The following NPAS2 variants were observed in gnomAD, a reference collection of about 807,000 sequenced individuals.
The protein encoded by NPAS2 is neuronal PAS domain-containing protein 2.
A neutral mutation model predicts 107.5 loss-of-function variants in NPAS2; 23 were observed. The observed-to-expected ratio is 0.21, with a 90% CI of 0.15 to 0.30. The LOEUF (loss-of-function observed/expected upper bound fraction) is 0.30, where lower values mean the gene tolerates loss of function less well. Ranked by LOEUF, NPAS2 falls within the 10% of genes least tolerant of loss-of-function variation. The pLI is 1.00. For missense variants in NPAS2, 756 were observed against 1,043.3 expected (o/e 0.72, Z 3.79); for synonymous variants, 403 against 417.5 (o/e 0.97, Z 0.42).
chr2:100,909,480 C>T (rs1009702546), intron 2 of NPAS2, among the ~76,000 whole-genome samples: 9 of 152,160 alleles, frequency 5.9e-5, no homozygotes, highest in Non-Finnish European at 1.0e-4. Flanking sequence ...AAAGGTCTGC[C>T]CAGAAAGGCT....
At chr2:100,955,804 T>C (rs1440209269) in intron 7 of NPAS2, among the ~76,000 whole-genome samples, 1 of 152,206 alleles carries the variant, frequency 6.6e-6, no homozygotes, top group East Asian at 1.9e-4. Context: ...CTTGGGTGTT[T>C]GGAGGCCAGT....
chr2:100,888,191 T>C (rs1466774862), intron 1 of NPAS2, among the ~76,000 whole-genome samples: 2 of 152,160 alleles, frequency 1.3e-5, no homozygotes, highest in Non-Finnish European at 2.9e-5. Flanking sequence ...TTCCAAACTT[T>C]AAACACAGAT....
chr2:100,975,050 C>T lies in NPAS2; in HGVS notation c.1282+106C>T, dbSNP rs557276264. On this transcript the variant is annotated intron_variant, in intron 13 of 20. Transcript: ENST00000335681. The stretch of plus-strand genomic sequence containing the variant: ...GTGGAATCAGGGCAGTCTGTGCCTC[C>T]GACAGAGGTTGCCGTGCAGTTTATA... 57 of 1,258,710 alleles carry T rather than the reference C, an allele frequency of 4.5e-5. 1 individual carries two copies. Among genetic ancestry groups the T allele is most frequent in the African/African-American group, 4.0e-4 (27 of 66,848 alleles). 78.0% of individuals were successfully genotyped at this position (1,258,710 alleles called of 1,614,324 possible).
chr2:100,840,340 A>G (rs1354043394), intron 1 of NPAS2, among the ~76,000 whole-genome samples: 1 of 151,924 alleles, frequency 6.6e-6, no homozygotes, highest in African/African-American at 2.4e-5. Context: ...GGGAGTGGGG[A>G]CCACGTGTTT....
At chr2:100,865,894 A>G (rs1453846537) in intron 1 of NPAS2, among the ~76,000 whole-genome samples, 1 of 152,198 alleles carries the variant, frequency 6.6e-6, no homozygotes, top group African/African-American at 2.4e-5. Flanking sequence ...TAAAATTGTT[A>G]CCAGTCCCAA....
intron 1 of NPAS2, among the ~76,000 whole-genome samples, chr2:100,885,374 TGTTG>T (rs1680637140): frequency 6.6e-6 from 1 of 152,354 alleles, no homozygotes; most frequent in African/African-American, 2.4e-5. Context: ...TTTATTTCCT[TGTTG>T]GTTTCTTTTT....
At chr2:100,839,232 G>T (rs1007096809) in intron 1 of NPAS2, among the ~76,000 whole-genome samples, 8 of 152,098 alleles carry the variant, frequency 5.3e-5, no homozygotes, top group Non-Finnish European at 1.2e-4. Flanking sequence ...GGGTTCAAGG[G>T]ATTCTCCTGC....
rs1290032300 is a variant in NPAS2, at chr2:100,995,273, A to G, written c.2293-127A>G. On this transcript the variant is annotated intron_variant, in intron 20 of 20. Coordinates refer to ENST00000335681, the MANE Select transcript of NPAS2 (RefSeq NM_002518.4). ...TCTTGCCAGAGCCACCTCTCCCCAC[A>G]TGACCCCCCAAGAAAGACAGCCCTG... The G allele has an allele frequency of 2.0e-5, 14 of 702,328 alleles. No individual in the cohort carries two copies. The East Asian group carries it at 4.0e-4, about 20-fold the overall frequency. The allele number at this position is 702,328 out of a possible 1,614,324, so 43.5% of individuals were successfully genotyped here.
intron 1 of NPAS2, among the ~76,000 whole-genome samples, chr2:100,845,673 G>C (rs1358116238): frequency 6.6e-6 from 1 of 152,206 alleles, no homozygotes; most frequent in Non-Finnish European, 1.5e-5. Context: ...TCTTTGTGCT[G>C]TGAGCTCCTA....
intron 19 of NPAS2, among the ~76,000 whole-genome samples, chr2:100,991,807 C>T (rs1420213912): frequency 6.6e-6 from 1 of 152,188 alleles, no homozygotes; most frequent in Non-Finnish European, 1.5e-5. Context: ...AGATTACATT[C>T]TCGAAGGCCA....
At chr2:100,979,894 A>G (rs941749386) in intron 15 of NPAS2, among the ~76,000 whole-genome samples, 4 of 151,912 alleles carry the variant, frequency 2.6e-5, no homozygotes, top group African/African-American at 7.3e-5. Flanking sequence ...AGTTCTTCCC[A>G]CTTCATGTGA....
chr2:100,881,318 TC>T (rs1353988349), intron 1 of NPAS2, among the ~76,000 whole-genome samples: 13 of 151,598 alleles, frequency 8.6e-5, no homozygotes, highest in Non-Finnish European at 1.6e-4. Context: ...GCGTCTCCCC[TC>T]CCCACCCCCG....
rs1266944659 is a variant in NPAS2 at position 100,891,227 on chromosome 2, A to G, written c.-22-13506A>G. Among the ~76,000 whole-genome samples, 58 of 148,452 alleles carry G rather than the reference A, an allele frequency of 3.9e-4. 1 individual carries two copies. Among genetic ancestry groups the G allele is most frequent in the African/African-American group, 1.4e-3 (56 of 39,360 alleles). Reference sequence around the variant, plus strand: ...AGCCTGGGCGACAGAATGAGACTCCATCTCAAAAAAAAAAAAAAAGAAGTG... The same window carrying G: ...AGCCTGGGCGACAGAATGAGACTCCGTCTCAAAAAAAAAAAAAAAGAAGTG... On this transcript the variant is annotated intron_variant, in intron 1 of 20. Coordinates refer to ENST00000335681, the MANE Select transcript of NPAS2 (RefSeq NM_002518.4).
intron 1 of NPAS2, among the ~76,000 whole-genome samples, chr2:100,857,866 G>A (rs1349496611): frequency 1.3e-5 from 2 of 152,216 alleles, no homozygotes; most frequent in African/African-American, 4.8e-5. Flanking sequence ...TCTCTCTTAT[G>A]TCTGCTTCGG....
In NPAS2 at chr2:100,964,821, C is replaced by T. The variant is rs768958956; in HGVS notation, c.718-40C>T. On this transcript the variant is annotated intron_variant, in intron 8 of 20. Coordinates refer to ENST00000335681, the MANE Select transcript of NPAS2 (RefSeq NM_002518.4). ...GAACAAACCTAGGGTGAGCATCTGGCACCCAAGCAACTTTTTTTTTTTTTC... is the reference window on the plus strand; with the variant it reads ...GAACAAACCTAGGGTGAGCATCTGGTACCCAAGCAACTTTTTTTTTTTTTC... 9.1e-6 allele frequency: 12 copies of T among 1,324,602 alleles called. 1 individual carries two copies. The South Asian group carries it at 1.4e-4, about 16-fold the overall frequency. The allele number at this position is 1,324,602 out of a possible 1,614,324, so 82.1% of individuals were successfully genotyped here.
chr2:100,905,373 A>G (rs1464908692), intron 2 of NPAS2, among the ~76,000 whole-genome samples: 2 of 151,838 alleles, frequency 1.3e-5, no homozygotes, highest in Non-Finnish European at 2.9e-5. Context: ...GAGCCCTGAT[A>G]ACCTGTCTAT....
At chr2:100,910,011 A>G (rs17717046) in intron 2 of NPAS2, among the ~76,000 whole-genome samples, 24,441 of 152,038 alleles carry the variant, frequency 0.16, 2,573 homozygotes, top group Non-Finnish European at 0.23. Context: ...GTTGTCAGAG[A>G]AGCGTGGTGT....
intron 1 of NPAS2, among the ~76,000 whole-genome samples, chr2:100,895,067 A>T (rs926987654): frequency 3.3e-5 from 5 of 151,952 alleles, no homozygotes; most frequent in African/African-American, 1.2e-4. Context: ...CTAGTCCAGT[A>T]TTCTAGACAG....
At chr2:100,934,848 GT>G in intron 4 of NPAS2, 1 of 985,098 alleles carries the variant, frequency 1.0e-6, no homozygotes, top group Non-Finnish European at 1.2e-6. Context: ...CCATCTCTCT[GT>G]TTTTTTTCAG....
Sources: allele counts gnomAD v4.1 joint callset (sites outside exome capture counted in the v4.1 genomes callset), GRCh38; gene constraint gnomAD v4.1.1; transcripts MANE v1.5; gene names NCBI Gene and HGNC (gene_info 2026-07-23, HGNC 2026-07-21).